The following MED9 variants were observed in gnomAD, a reference collection of about 807,000 sequenced individuals.
The protein encoded by MED9 is mediator complex subunit 9.
A neutral mutation model predicts 13.2 loss-of-function variants in MED9; 8 were observed. That is an observed-to-expected ratio of 0.61 (90% CI 0.36 to 1.10). The LOEUF is 1.10. Ranked by LOEUF, MED9 falls within the 50% of genes least tolerant of loss-of-function variation. The probability of loss-of-function intolerance (pLI) is 0.02; values close to 1 mark genes in which losing one functional copy is unlikely to be tolerated. For missense variants in MED9, 180 were observed against 193.4 expected (o/e 0.93, Z 0.41); for synonymous variants, 87 against 82.8 (o/e 1.05, Z -0.28).
In MED9 at chr17:17,489,147, A is replaced by G. The variant is rs543857451; in HGVS notation, c.225-2132A>G. On this transcript the variant is annotated intron_variant, in intron 1 of 1. Coordinates refer to ENST00000268711, the MANE Select transcript of MED9 (RefSeq NM_018019.3). ...AGTTCCATGCTATTTACCTCCACCA[A>G]CTAGGGCAGTTGGGCTTGCAGAGGG... 2.0e-5 allele frequency among the ~76,000 whole-genome samples: 3 copies of G among 152,236 alleles called. No homozygotes were observed. The East Asian group carries it at 5.8e-4, about 29-fold the overall frequency.
chr17:17,488,831 CAA>C (rs532899008), intron 1 of MED9, among the ~76,000 whole-genome samples: 2 of 137,286 alleles, frequency 1.5e-5, no homozygotes, highest in Non-Finnish European at 1.6e-5. Flanking sequence ...AACTCTGTCT[CAA>C]AAAAAAAAAA....
At chr17:17,477,364 C>T in intron 1 of MED9, 99 bp downstream of exon 1, 1 of 1,322,922 alleles carries the variant, frequency 7.6e-7, no homozygotes. Context: ...GGGCACGCCC[C>T]CGTTTCACAG....
At chr17:17,480,750 C>T (rs893044544) in intron 1 of MED9, among the ~76,000 whole-genome samples, 2 of 152,064 alleles carry the variant, frequency 1.3e-5, no homozygotes, top group Non-Finnish European at 2.9e-5. Context: ...AAACAGTAGC[C>T]ACAAAGGAAT....
intron 1 of MED9, 84 bp downstream of exon 1, chr17:17,477,349 C>T (rs1335770100): frequency 7.8e-6 from 11 of 1,406,330 alleles, no homozygotes; most frequent in Middle Eastern, 4.4e-4. Flanking sequence ...GGCCTTGGCG[C>T]TCTGGGGCAC....
At chr17:17,487,763 A>G (rs545469540) in intron 1 of MED9, 2 of 153,422 alleles carry the variant, frequency 1.3e-5, no homozygotes, top group South Asian at 2.1e-4. Flanking sequence ...TCATTCTAGT[A>G]CAGTACAACC....
At chr17:17,488,787 C>T (rs796645805) in intron 1 of MED9, among the ~76,000 whole-genome samples, 53 of 151,958 alleles carry the variant, frequency 3.5e-4, no homozygotes, top group African/African-American at 1.1e-3. Flanking sequence ...GAGCCAAGAT[C>T]GCACCATTGC....
At chr17:17,477,867 A>G (rs1157436546) in intron 1 of MED9, among the ~76,000 whole-genome samples, 2 of 152,268 alleles carry the variant, frequency 1.3e-5, no homozygotes, top group African/African-American at 2.4e-5. Context: ...TTGTTCTAAC[A>G]GTACCAAAGG....
At chr17:17,490,441 C>G (rs1905208770) in intron 1 of MED9, among the ~76,000 whole-genome samples, 1 of 152,186 alleles carries the variant, frequency 6.6e-6, no homozygotes, top group South Asian at 2.1e-4. Context: ...GACCCTGTCT[C>G]AAACAAACAA....
At position 17,477,018 on chromosome 17, in the gene MED9, T is replaced by C; in HGVS notation, c.-24T>C. On this transcript the variant is annotated 5_prime_UTR_variant, in exon 1 of 2. Coordinates refer to ENST00000268711, the MANE Select transcript of MED9 (RefSeq NM_018019.3). The stretch of plus-strand genomic sequence containing the variant: ...GCGCGACGCTTTTGGCGACCCGACC[T>C]CTGGCTAACCTACCCCCGGAGCCAT... 1 of 1,602,734 alleles carries C rather than the reference T, an allele frequency of 6.2e-7. No individual in the cohort carries two copies. The highest frequency in any genetic ancestry group is 1.1e-5 in the South Asian group (1 of 90,942).
At chr17:17,477,391 C>A in intron 1 of MED9, 126 bp downstream of exon 1, 1 of 1,116,476 alleles carries the variant, frequency 9.0e-7, no homozygotes, top group Non-Finnish European at 1.2e-6. Context: ...AAACTCAGAC[C>A]CAGAGCGGGA....
At chr17:17,484,355 A>G (rs921733052) in intron 1 of MED9, among the ~76,000 whole-genome samples, 1 of 152,260 alleles carries the variant, frequency 6.6e-6, no homozygotes, top group Non-Finnish European at 1.5e-5. Context: ...TCAAGTGATG[A>G]GCACGCTGTC....
Position 17,477,098 on chromosome 17 carries a change from G to T in MED9, c.57G>T (p.Thr19=). 6.2e-7 allele frequency: 1 copy of T among 1,607,004 alleles called. No homozygotes were observed. Among genetic ancestry groups the T allele is most frequent in the Non-Finnish European group, 8.5e-7 (1 of 1,179,216 alleles). The change falls in exon 1 of 2, where the codon ACG becomes ACT. Residue 19 remains threonine (T), a synonymous_variant. Coordinates refer to ENST00000268711, the MANE Select transcript of MED9 (RefSeq NM_018019.3). ...GRQAEDVLPP[T]SDQPLPDTKP... ...AGGCGGAGGATGTATTGCCGCCAAC[G>T]TCCGACCAGCCGCTGCCTGACACCA...
At position 17,485,839 on chromosome 17, in the gene MED9, T is replaced by C. The variant is rs76949841; in HGVS notation, c.225-5440T>C. The C allele has an allele frequency of 7.5e-3, 1,153 of 152,880 alleles. 12 individuals are homozygous for C. The highest frequency in any genetic ancestry group is 0.026 in the African/African-American group (1,069 of 41,594). 9.5% of individuals were successfully genotyped at this position (152,880 alleles called of 1,614,324 possible). A position where few individuals can be genotyped will look rare whatever the true frequency, so the allele number is the denominator to read the frequency against. ...CATACTCCGTTTAGCAGCAGCACCTTTTGTCACTCTTTGCTAAAAAGAATA... is the reference window on the plus strand; with the variant it reads ...CATACTCCGTTTAGCAGCAGCACCTCTTGTCACTCTTTGCTAAAAAGAATA... On this transcript the variant is annotated intron_variant, in intron 1 of 1. Coordinates refer to ENST00000268711, the MANE Select transcript of MED9 (RefSeq NM_018019.3).
At chr17:17,491,155 G>A in intron 1 of MED9, 124 bp from the exon 2 acceptor site, 2 of 919,636 alleles carry the variant, frequency 2.2e-6, no homozygotes, top group East Asian at 5.2e-5. Flanking sequence ...TCAGGGGATA[G>A]ACACATAAAA....
chr17:17,491,396 G>A lies in MED9; in HGVS notation c.342G>A (p.Gln114=). 2 of 1,614,048 alleles carry A rather than the reference G, an allele frequency of 1.2e-6. No individual in the cohort carries two copies. The highest frequency in any genetic ancestry group is 1.7e-6 in the Non-Finnish European group (2 of 1,180,036). ...GCATCCACCTGAGCCCCGAACAGCA[G>A]CAGCAGCAGCTGCAGAGCCTCCGGG... The part of the protein sequence containing the change: ...MPGIHLSPEQ[Q]QQQLQSLREQ... Residue 114 remains glutamine (Q), a synonymous_variant, in exon 2 of 2, where the codon CAG becomes CAA. Transcript: ENST00000268711.
intron 1 of MED9, among the ~76,000 whole-genome samples, chr17:17,482,016 T>C (rs1905040925): frequency 6.6e-6 from 1 of 152,158 alleles, no homozygotes; most frequent in African/African-American, 2.4e-5. Context: ...CAAGTACCCA[T>C]GGATATGAAA....
At position 17,491,907 on chromosome 17, in the gene MED9, A is replaced by G. The variant is rs898199122; in HGVS notation, c.*412A>G. 1 of 283,770 alleles carries G rather than the reference A, an allele frequency of 3.5e-6. No individual in the cohort carries two copies. Among genetic ancestry groups the G allele is most frequent in the Non-Finnish European group, 6.9e-6 (1 of 144,950 alleles). 17.6% of individuals were successfully genotyped at this position (283,770 alleles called of 1,614,324 possible). A position where few individuals can be genotyped will look rare whatever the true frequency, so the allele number is the denominator to read the frequency against. On this transcript the variant is annotated 3_prime_UTR_variant, in exon 2 of 2. Transcript: ENST00000268711. The stretch of plus-strand genomic sequence containing the variant: ...CTTCCCTCTCTCTCCTCCCACCCCC[A>G]TAGGATCAGTGTGTACCAGGTACAC...
At position 17,477,138 on chromosome 17, in the gene MED9, C is replaced by G; in HGVS notation, c.97C>G (p.Pro33Ala). Residue 33 changes from proline to alanine, a missense_variant, in exon 1 of 2, where the codon CCT becomes GCT. Coordinates refer to ENST00000268711, the MANE Select transcript of MED9 (RefSeq NM_018019.3). Reference protein sequence around the residue: ...PLPDTKPLPPPQPPPVPAPQP... With the variant: ...PLPDTKPLPPAQPPPVPAPQP... ...GCCTGACACCAAGCCGCTGCCGCCT[C>G]CTCAGCCGCCGCCGGTCCCTGCGCC... The G allele has an allele frequency of 6.2e-7, 1 of 1,608,028 alleles. No homozygotes were observed. The highest frequency in any genetic ancestry group is 8.5e-7 in the Non-Finnish European group (1 of 1,178,082).
At chr17:17,484,448 G>T (rs1380612566) in intron 1 of MED9, among the ~76,000 whole-genome samples, 1 of 152,222 alleles carries the variant, frequency 6.6e-6, no homozygotes, top group Non-Finnish European at 1.5e-5. Context: ...TGGGAACAGG[G>T]TGTTATTGAC....
Sources: allele counts gnomAD v4.1 joint callset (sites outside exome capture counted in the v4.1 genomes callset), GRCh38; gene constraint gnomAD v4.1.1; transcripts MANE v1.5; gene names NCBI Gene and HGNC (gene_info 2026-07-23, HGNC 2026-07-21).